Variants in SYT9 observed in about 807,000 individuals in gnomAD.
SYT9 encodes synaptotagmin 9.
In SYT9, 22 loss-of-function variants were observed where a neutral mutation model predicts 48.4. The ratio of observed to expected loss-of-function variants is 0.45; its 90% confidence interval spans 0.32 to 0.65. SYT9 has a LOEUF of 0.65. Among genes scored for constraint, SYT9 ranks in the 30% least tolerant of loss-of-function variants. SYT9 has a pLI of 0.03. For missense variants in SYT9, 577 were observed against 622.0 expected (o/e 0.93, Z 0.77); for synonymous variants, 265 against 245.0 (o/e 1.08, Z -0.76).
chr11:7,364,240 A>C (rs1434978810), intron 3 of SYT9, among the ~76,000 whole-genome samples: 1 of 152,228 alleles, frequency 6.6e-6, no homozygotes, highest in South Asian at 2.1e-4. Flanking sequence ...TAAAGATGCA[A>C]ACCTCTTTGT....
intron 6 of SYT9, among the ~76,000 whole-genome samples, chr11:7,432,876 T>C (rs2134122487): frequency 6.6e-6 from 1 of 151,984 alleles, no homozygotes; most frequent in African/African-American, 2.4e-5. Flanking sequence ...CCTAAGACTT[T>C]GGGGGATTAT....
rs367710965 is a variant in SYT9, at chr11:7,438,137, G to GGGA, written c.1467+17504_1467+17506dup. On this transcript the variant is annotated intron_variant, in intron 6 of 6. Coordinates refer to ENST00000318881, the MANE Select transcript of SYT9 (RefSeq NM_175733.4). ...TGGTGGTTTCAAATTTTGTATAGAT[G>GGGA]GGAGAGTTGTCAGCCTTCCACAGGG... 7.0e-4 allele frequency: 107 copies of GGGA among 152,302 alleles called. 1 individual carries two copies. The highest frequency in any genetic ancestry group is 2.4e-3 in the African/African-American group (98 of 41,548). 9.4% of individuals were successfully genotyped at this position (152,302 alleles called of 1,614,324 possible).
At chr11:7,250,454 C>G (rs866848463), upstream of SYT9, among the ~76,000 whole-genome samples, 3,358 of 109,796 alleles carry the variant, frequency 0.031, 140 homozygotes, top group African/African-American at 0.1. Context: ...CCCCGCCACC[C>G]CCCCCCAGCA....
chr11:7,426,166 T>C (rs987219011), intron 6 of SYT9, among the ~76,000 whole-genome samples: 1 of 151,954 alleles, frequency 6.6e-6, no homozygotes, highest in African/African-American at 2.4e-5. Context: ...CCCAGCTAGG[T>C]ATAGGGAAGT....
chr11:7,421,673 C>T (rs747161517), intron 6 of SYT9, among the ~76,000 whole-genome samples: 2 of 144,606 alleles, frequency 1.4e-5, no homozygotes, highest in African/African-American at 2.9e-5. Flanking sequence ...TATTTATTCA[C>T]TAACTTGTTC....
chr11:7,244,350 C>T (rs532555667), intron 1 of SYT9, among the ~76,000 whole-genome samples: 3 of 152,272 alleles, frequency 2.0e-5, no homozygotes, highest in East Asian at 1.9e-4. Flanking sequence ...AACGATAACA[C>T]ACACATGGGC....
At chr11:7,406,132 T>C (rs528280881) in intron 3 of SYT9, among the ~76,000 whole-genome samples, 11 of 152,262 alleles carry the variant, frequency 7.2e-5, no homozygotes, top group African/African-American at 2.6e-4. Context: ...TTTTGGAGGA[T>C]CCATTATCTT....
intron 6 of SYT9, chr11:7,441,337 C>A (rs924538912): frequency 6.6e-6 from 1 of 152,118 alleles, no homozygotes; most frequent in Admixed American, 6.5e-5. Flanking sequence ...GAGGGAGAAA[C>A]CCACTGAGGA....
chr11:7,269,221 G>A (rs939493267), intron 1 of SYT9, among the ~76,000 whole-genome samples: 1 of 151,866 alleles, frequency 6.6e-6, no homozygotes, highest in African/African-American at 2.4e-5. Context: ...AGTTGGGGGG[G>A]TGGGAAATGG....
At chr11:7,271,717 C>T (rs908629444) in intron 1 of SYT9, among the ~76,000 whole-genome samples, 1 of 152,136 alleles carries the variant, frequency 6.6e-6, no homozygotes, top group Non-Finnish European at 1.5e-5. Context: ...GCTGGGACTA[C>T]AGGCACGTGC....
chr11:7,241,691 G>C (rs1170354917), intron 1 of SYT9, among the ~76,000 whole-genome samples: 2 of 152,234 alleles, frequency 1.3e-5, no homozygotes, highest in Non-Finnish European at 2.9e-5. Context: ...TTTGCTTATA[G>C]TCTGTAGTAA....
At chr11:7,343,048 C>T (rs76104725) in intron 3 of SYT9, among the ~76,000 whole-genome samples, 2,730 of 152,310 alleles carry the variant, frequency 0.018, 75 homozygotes, top group African/African-American at 0.063. Flanking sequence ...TTAGGCTGCA[C>T]ATGGTAGGGG....
At chr11:7,263,303 C>G (rs1848114262) in intron 1 of SYT9, among the ~76,000 whole-genome samples, 1 of 152,158 alleles carries the variant, frequency 6.6e-6, no homozygotes, top group South Asian at 2.1e-4. Flanking sequence ...TAGACAGCAC[C>G]TTCTCTCTGT....
chr11:7,347,284 T>G (rs1022302297), intron 3 of SYT9, among the ~76,000 whole-genome samples: 1 of 151,706 alleles, frequency 6.6e-6, no homozygotes, highest in African/African-American at 2.4e-5. Context: ...CAGGCTGGAG[T>G]GCGATGGCAC....
In SYT9 at chr11:7,416,092, G is replaced by A. The variant is rs767582960; in HGVS notation, c.1095G>A (p.Thr365=). 18 of 1,614,014 alleles carry A rather than the reference G, an allele frequency of 1.1e-5. No homozygotes were observed. Among genetic ancestry groups the A allele is most frequent in the Middle Eastern group, 1.6e-4 (1 of 6,084 alleles). Reference sequence around the variant, plus strand: ...TGTTTTCCCTGTGCTATCTTCCAACGGCTGGCAGGCTGACCATTACCATTA... The same window carrying A: ...TGTTTTCCCTGTGCTATCTTCCAACAGCTGGCAGGCTGACCATTACCATTA... ...ELMFSLCYLP[T]AGRLTITIIK... The change falls in exon 4 of 7, where the codon ACG becomes ACA. Residue 365 remains threonine, a synonymous_variant. Transcript: ENST00000318881.
intron 3 of SYT9, among the ~76,000 whole-genome samples, chr11:7,341,033 G>A (rs942384818): frequency 6.6e-6 from 1 of 152,184 alleles, no homozygotes; most frequent in Non-Finnish European, 1.5e-5. Context: ...CTACCTCTGG[G>A]AGCTCTGTCT....
At chr11:7,239,094 C>T (rs112763015) in intron 1 of SYT9, among the ~76,000 whole-genome samples, 38 of 152,276 alleles carry the variant, frequency 2.5e-4, no homozygotes, top group African/African-American at 7.7e-4. Flanking sequence ...TTCTTTCATA[C>T]ATTTTGTTTA....
At chr11:7,254,847 C>T (rs1847937860) in intron 1 of SYT9, among the ~76,000 whole-genome samples, 1 of 152,104 alleles carries the variant, frequency 6.6e-6, no homozygotes, top group South Asian at 2.1e-4. Flanking sequence ...AGGAAATTTA[C>T]TCATTTTTTC....
chr11:7,347,471 G>A (rs1849821694), intron 3 of SYT9, among the ~76,000 whole-genome samples: 1 of 152,066 alleles, frequency 6.6e-6, no homozygotes, highest in Non-Finnish European at 1.5e-5. Context: ...CTGACCTCAG[G>A]CGATCCACCC....
Sources: gnomAD v4.1 joint callset for allele counts (sites outside exome capture counted in the v4.1 genomes callset) on GRCh38, gnomAD v4.1.1 for gene constraint, MANE v1.5 for transcripts, NCBI Gene and HGNC (gene_info 2026-07-23, HGNC 2026-07-21) for gene names.